The following LRMDA variants were observed in gnomAD, a reference collection of about 807,000 sequenced individuals.
LRMDA encodes the protein leucine rich melanocyte differentiation associated.
LRMDA carries 18 observed loss-of-function variants against 29.8 expected under a neutral mutation model. The ratio of observed to expected loss-of-function variants is 0.60; its 90% CI spans 0.42 to 0.90. The LOEUF (loss-of-function observed/expected upper bound fraction) is 0.90, where lower values mean the gene tolerates loss of function less well. LRMDA is among the 40% of genes least tolerant of loss of function. LRMDA has a pLI of 0.00. For missense variants in LRMDA, 273 were observed against 273.9 expected, an observed-to-expected ratio of 1.00 and a Z score of 0.02; for synonymous variants, 125 against 109.4, an observed-to-expected ratio of 1.14 and a Z score of -0.89.
At chr10:75,443,050 G>T (rs1048485588) in intron 2 of LRMDA, among the ~76,000 whole-genome samples, 1 of 152,010 alleles carries the variant, frequency 6.6e-6, no homozygotes, top group Admixed American at 6.6e-5. Context: ...ATTTTTGTGT[G>T]TTGATTTTGT....
chr10:75,736,515 A>C (rs533429965), intron 2 of LRMDA, among the ~76,000 whole-genome samples: 115 of 152,302 alleles, frequency 7.6e-4, no homozygotes, highest in Non-Finnish European at 1.5e-3. Context: ...GCATACTGTG[A>C]ATACTGTTTA....
Position 76,230,638 on chromosome 10 carries a change from C to T in LRMDA, c.517-93763C>T, listed in dbSNP as rs540513806. On this transcript the variant is annotated intron_variant, in intron 5 of 6. Transcript: ENST00000611255. ...ATGACACCATCTTGGCATTTCCAGGCATTCTTTTCTAAACATATTCTTTAT... is the reference window on the plus strand; with the variant it reads ...ATGACACCATCTTGGCATTTCCAGGTATTCTTTTCTAAACATATTCTTTAT... 6.0e-5 allele frequency among the ~76,000 whole-genome samples: 9 copies of T among 151,032 alleles called. No homozygotes were observed. The Middle Eastern group carries it at 0.014, about 236-fold the overall frequency.
At chr10:76,134,140 T>C (rs1850050677) in intron 5 of LRMDA, among the ~76,000 whole-genome samples, 1 of 152,190 alleles carries the variant, frequency 6.6e-6, no homozygotes, top group South Asian at 2.1e-4. Flanking sequence ...CAACCACTCC[T>C]AAGGCAGGGT....
chr10:76,457,247 G>A (rs563416152), intron 6 of LRMDA, among the ~76,000 whole-genome samples: 20 of 152,248 alleles, frequency 1.3e-4, no homozygotes, highest in Non-Finnish European at 1.6e-4. Context: ...GACAAGTAAC[G>A]TATAGTTGAT....
At chr10:75,892,647 C>T (rs1030954327) in intron 2 of LRMDA, among the ~76,000 whole-genome samples, 6 of 151,986 alleles carry the variant, frequency 3.9e-5, no homozygotes, top group East Asian at 1.9e-4. Context: ...TAATAGCAGC[C>T]GATAATGTAT....
At chr10:76,266,216 T>A (rs1471486156) in intron 5 of LRMDA, among the ~76,000 whole-genome samples, 1 of 147,882 alleles carries the variant, frequency 6.8e-6, no homozygotes, top group African/African-American at 2.5e-5. Context: ...TTCACACTAG[T>A]ATTAGTAGTA....
chr10:76,251,292 C>T (rs1852477938), intron 5 of LRMDA, among the ~76,000 whole-genome samples: 4 of 132,968 alleles, frequency 3.0e-5, no homozygotes, highest in Non-Finnish European at 6.2e-5. Flanking sequence ...GTCACCCAGG[C>T]CGGACTGCGG....
At chr10:76,394,642 ATG>A (rs1841761822) in intron 6 of LRMDA, among the ~76,000 whole-genome samples, 1 of 152,076 alleles carries the variant, frequency 6.6e-6, no homozygotes, top group Non-Finnish European at 1.5e-5. Flanking sequence ...ATACTTGTCT[ATG>A]TGATCAAGCA....
intron 6 of LRMDA, among the ~76,000 whole-genome samples, chr10:76,541,142 A>C (rs1161526163): frequency 1.3e-5 from 2 of 152,170 alleles, no homozygotes; most frequent in African/African-American, 4.8e-5. Context: ...CAGGGTATCC[A>C]GGGATCTTCT....
chr10:76,083,678 CA>C (rs900277847), intron 5 of LRMDA, among the ~76,000 whole-genome samples: 7 of 151,844 alleles, frequency 4.6e-5, no homozygotes, highest in Non-Finnish European at 8.8e-5. Flanking sequence ...AAAAAACAAA[CA>C]AAAAATTAGC....
At chr10:75,721,256 G>A (rs552539385) in intron 2 of LRMDA, among the ~76,000 whole-genome samples, 12 of 152,216 alleles carry the variant, frequency 7.9e-5, no homozygotes, top group East Asian at 1.9e-4. Flanking sequence ...TTTGAAGACC[G>A]GGTAGGTGTT....
At chr10:76,549,102 C>T (rs563705640) in intron 6 of LRMDA, among the ~76,000 whole-genome samples, 2 of 152,218 alleles carry the variant, frequency 1.3e-5, no homozygotes, top group South Asian at 2.1e-4. Flanking sequence ...TTTCCTTCCC[C>T]ACCTCCCCTT....
At chr10:75,928,382 G>A (rs954186307) in intron 2 of LRMDA, among the ~76,000 whole-genome samples, 2 of 152,062 alleles carry the variant, frequency 1.3e-5, no homozygotes, top group African/African-American at 4.8e-5. Context: ...TAAAAGGCCG[G>A]CAGCTGCATT....
Position 76,427,597 on chromosome 10 carries a change from C to A in LRMDA, c.601+103112C>A, listed in dbSNP as rs944490112. Among the ~76,000 whole-genome samples the A allele has an allele frequency of 2.8e-4, 43 of 152,282 alleles. No individual in the cohort carries two copies. The East Asian group carries it at 7.3e-3, about 26-fold the overall frequency. On this transcript the variant is annotated intron_variant, in intron 6 of 6. Coordinates refer to ENST00000611255, the MANE Select transcript of LRMDA (RefSeq NM_001305581.2). ...TTTCCTAATTGAATGCCCTTTATTT[C>A]CTTCTCCTGCCTGATTGCCCTGGCC...
chr10:75,629,075 C>T (rs1841291858), intron 2 of LRMDA, among the ~76,000 whole-genome samples: 1 of 152,198 alleles, frequency 6.6e-6, no homozygotes, highest in Non-Finnish European at 1.5e-5. Context: ...AAGTGAGAAG[C>T]CTTTTGCCTC....
At chr10:76,262,458 G>A (rs1265822445) in intron 5 of LRMDA, among the ~76,000 whole-genome samples, 1 of 152,200 alleles carries the variant, frequency 6.6e-6, no homozygotes, top group East Asian at 1.9e-4. Context: ...TTCAGGTTTA[G>A]GTTCTGGCTC....
chr10:76,546,016 C>G (rs982048397), intron 6 of LRMDA, among the ~76,000 whole-genome samples: 1 of 152,124 alleles, frequency 6.6e-6, no homozygotes, highest in African/African-American at 2.4e-5. Context: ...TGTGTTTTAA[C>G]AGGCCTTCTC....
intron 2 of LRMDA, among the ~76,000 whole-genome samples, chr10:75,618,223 G>A (rs1454671926): frequency 7.4e-6 from 1 of 135,462 alleles, no homozygotes; most frequent in Non-Finnish European, 1.7e-5. Flanking sequence ...TTATGAAGAT[G>A]CTATTCATTA....
chr10:75,770,539 C>T (rs1843225975), intron 2 of LRMDA, among the ~76,000 whole-genome samples: 1 of 152,148 alleles, frequency 6.6e-6, no homozygotes, highest in Non-Finnish European at 1.5e-5. Flanking sequence ...AGTTCTTTTC[C>T]CAGAGGCCAC....
Sources: allele counts gnomAD v4.1 joint callset (sites outside exome capture counted in the v4.1 genomes callset), GRCh38; gene constraint gnomAD v4.1.1; transcripts MANE v1.5; gene names NCBI Gene and HGNC (gene_info 2026-07-23, HGNC 2026-07-21).